DLGAP1: variants seen among roughly 807,000 people sequenced by gnomAD.
The protein encoded by DLGAP1 is DLG associated protein 1.
In DLGAP1, 11 loss-of-function variants were observed where a neutral mutation model predicts 90.8. The ratio of observed to expected loss-of-function variants is 0.12; its 90% confidence interval spans 0.08 to 0.20. DLGAP1 has a LOEUF of 0.20. DLGAP1 is among the 10% of genes least tolerant of loss of function. The pLI is 1.00. For synonymous variants in DLGAP1, 558 were observed against 540.7 expected (o/e 1.03, Z -0.44); for missense variants, 1,050 against 1,333.8 (o/e 0.79, Z 3.31).
chr18:4,400,808 T>C (rs2082539193), intron 1 of DLGAP1, among the ~76,000 whole-genome samples: 1 of 152,294 alleles, frequency 6.6e-6, no homozygotes, highest in South Asian at 2.1e-4. Context: ...CAACCTCCAC[T>C]GGGTACTGCA....
intron 3 of DLGAP1, among the ~76,000 whole-genome samples, chr18:3,919,093 T>TA (rs59462163): frequency 0.25 from 37,488 of 152,128 alleles, 5,664 homozygotes; most frequent in African/African-American, 0.44. Flanking sequence ...TGGATATAGG[T>TA]AAGTTGATCA....
intron 1 of DLGAP1, among the ~76,000 whole-genome samples, chr18:4,288,371 T>C (rs1191530451): frequency 6.6e-6 from 1 of 152,088 alleles, no homozygotes; most frequent in Non-Finnish European, 1.5e-5. Flanking sequence ...TCCAGAAACT[T>C]GGAAAGGACT....
intron 2 of DLGAP1, among the ~76,000 whole-genome samples, chr18:4,105,897 T>C (rs982953931): frequency 6.6e-6 from 1 of 151,634 alleles, no homozygotes; most frequent in Non-Finnish European, 1.5e-5. Context: ...CCGGGCGTGG[T>C]GGCGGGCACC....
chr18:3,969,195 A>C (rs1049215161), intron 3 of DLGAP1, among the ~76,000 whole-genome samples: 39 of 152,212 alleles, frequency 2.6e-4, no homozygotes, highest in Admixed American at 2.6e-3. Context: ...AACTATGCGA[A>C]CTTCCATCTG....
chr18:4,146,339 G>C (rs960089671), intron 2 of DLGAP1, among the ~76,000 whole-genome samples: 1 of 152,158 alleles, frequency 6.6e-6, no homozygotes, highest in African/African-American at 2.4e-5. Flanking sequence ...GTTAATAAAT[G>C]AAAGAGCCGA....
chr18:3,591,434 T>C (rs2056240970), intron 7 of DLGAP1, among the ~76,000 whole-genome samples: 1 of 152,076 alleles, frequency 6.6e-6, no homozygotes, highest in Non-Finnish European at 1.5e-5. Flanking sequence ...ATTCCTGTAA[T>C]CCCAGCACTT....
At chr18:3,799,522 G>T (rs1389238689) in intron 5 of DLGAP1, among the ~76,000 whole-genome samples, 3 of 149,774 alleles carry the variant, frequency 2.0e-5, no homozygotes, top group Non-Finnish European at 3.0e-5. Flanking sequence ...TTAAATACAG[G>T]AAACACAAAA....
chr18:4,112,224 AT>A (rs748681259), intron 2 of DLGAP1, among the ~76,000 whole-genome samples: 7 of 151,978 alleles, frequency 4.6e-5, no homozygotes, highest in Non-Finnish European at 7.4e-5. Context: ...ATACTTGAGA[AT>A]TTCCCCATTT....
rs2082029104 is a variant in DLGAP1, at chr18:4,377,088, G to C, written c.-267+77918C>G. ...TCTGTGACTCTGCCATACAAGCCAG[G>C]CATTTCCAAGAGCTCGGAAGTCACT... On this transcript the variant is annotated intron_variant, in intron 1 of 12. Coordinates refer to ENST00000315677, the MANE Select transcript of DLGAP1 (RefSeq NM_004746.4). Among the ~76,000 whole-genome samples, 3 of 152,006 alleles carry C rather than the reference G, an allele frequency of 2.0e-5. 1 individual carries two copies. In the South Asian group the frequency reaches 6.2e-4, roughly 31 times the overall value.
chr18:3,607,598 G>A (rs961696075), intron 7 of DLGAP1: 1 of 152,150 alleles, frequency 6.6e-6, no homozygotes, highest in African/African-American at 2.4e-5. Flanking sequence ...AATATTGGCC[G>A]GTAACTCCTT....
chr18:3,695,146 G>A (rs541759487), intron 7 of DLGAP1, among the ~76,000 whole-genome samples: 2 of 151,862 alleles, frequency 1.3e-5, no homozygotes, highest in South Asian at 2.1e-4. Flanking sequence ...GGGTTTCACC[G>A]TGTTAGCCAG....
chr18:3,698,131 C>G (rs1014551867), intron 7 of DLGAP1, among the ~76,000 whole-genome samples: 1 of 152,182 alleles, frequency 6.6e-6, no homozygotes, highest in Non-Finnish European at 1.5e-5. Context: ...GGCCTTGACT[C>G]TTTATCCAAT....
In DLGAP1 at chr18:3,591,330, G is replaced by T. The variant is rs1599404193; in HGVS notation, c.1592-9082C>A. ...TATTGTAGAAATACAGAATGGGAAC[G>T]ATTGGACTTATGGTTGTAATGTCAG... is the stretch of plus-strand genomic sequence containing the variant. On this transcript the variant is annotated intron_variant, in intron 7 of 12. Coordinates refer to ENST00000315677, the MANE Select transcript of DLGAP1 (RefSeq NM_004746.4). 4.6e-5 allele frequency among the ~76,000 whole-genome samples: 7 copies of T among 152,240 alleles called. No individual in the cohort carries two copies. In the South Asian group the frequency reaches 1.5e-3, roughly 32 times the overall value.
intron 5 of DLGAP1, among the ~76,000 whole-genome samples, chr18:3,761,849 C>G (rs186624303): frequency 6.6e-6 from 1 of 152,346 alleles, no homozygotes; most frequent in East Asian, 1.9e-4. Context: ...GCTAGGATTA[C>G]AGGCGTGAGC....
chr18:3,602,504 A>G (rs1357851817), intron 7 of DLGAP1, among the ~76,000 whole-genome samples: 3 of 146,108 alleles, frequency 2.1e-5, no homozygotes, highest in Admixed American at 1.4e-4. Context: ...CTGAGGCAGG[A>G]GAATGGCGTG....
intron 1 of DLGAP1, among the ~76,000 whole-genome samples, chr18:4,179,267 T>C (rs1403195783): frequency 6.6e-6 from 1 of 152,126 alleles, no homozygotes; most frequent in Non-Finnish European, 1.5e-5. Flanking sequence ...CCATTGTTCA[T>C]AGGAATCATC....
At chr18:4,261,304 C>A (rs1009163163) in intron 1 of DLGAP1, among the ~76,000 whole-genome samples, 2 of 150,680 alleles carry the variant, frequency 1.3e-5, no homozygotes, top group Non-Finnish European at 3.0e-5. Flanking sequence ...AGTGATCACA[C>A]GCAGCACTCA....
intron 1 of DLGAP1, among the ~76,000 whole-genome samples, chr18:4,257,756 C>T (rs2078918789): frequency 6.6e-6 from 1 of 151,860 alleles, no homozygotes; most frequent in Non-Finnish European, 1.5e-5. Flanking sequence ...TCCCGAGTAG[C>T]TGAGACTATA....
At chr18:4,015,125 T>C (rs1197981402) in intron 2 of DLGAP1, among the ~76,000 whole-genome samples, 1 of 152,166 alleles carries the variant, frequency 6.6e-6, no homozygotes, top group Non-Finnish European at 1.5e-5. Flanking sequence ...GTGACTCTTC[T>C]GTGGATTGAA....
Sources: allele counts gnomAD v4.1 joint callset (sites outside exome capture counted in the v4.1 genomes callset), GRCh38; gene constraint gnomAD v4.1.1; transcripts MANE v1.5; gene names NCBI Gene and HGNC (gene_info 2026-07-23, HGNC 2026-07-21).